Variants in KIAA0825 observed in about 807,000 individuals in gnomAD.
KIAA0825 encodes the protein uncharacterized protein KIAA0825.
A neutral mutation model predicts 147.6 loss-of-function variants in KIAA0825; 119 were observed. The observed-to-expected ratio is 0.81, with a 90% CI of 0.69 to 0.94. KIAA0825 has a LOEUF of 0.94. Ranked by LOEUF, KIAA0825 falls within the 40% of genes least tolerant of loss-of-function variation. The pLI, the probability that KIAA0825 is intolerant of heterozygous loss-of-function variation, is 0.00. For missense variants in KIAA0825, 1,381 were observed against 1,472.7 expected, an observed-to-expected ratio of 0.94 and a Z score of 1.02; for synonymous variants, 470 against 518.1, an observed-to-expected ratio of 0.91 and a Z score of 1.26.
rs574100427 is a variant in KIAA0825 at position 94,593,405 on chromosome 5, T to C, written c.-152-10822A>G. On this transcript the variant is annotated intron_variant, in intron 1 of 20. Transcript: ENST00000682413. Reference sequence around the variant, plus strand: ...TCACGACATTTTCAAGAACAACTGGTGAACAAAACGGAACTTGTTTTTGAC... The same window carrying C: ...TCACGACATTTTCAAGAACAACTGGCGAACAAAACGGAACTTGTTTTTGAC... The C allele has an allele frequency of 8.3e-4, 769 of 921,104 alleles. 4 individuals carry two copies. Among genetic ancestry groups the C allele is most frequent in the Non-Finnish European group, 9.6e-4 (549 of 573,266 alleles). The allele number at this position is 921,104 out of a possible 1,614,324, so 57.1% of individuals were successfully genotyped here.
intron 20 of KIAA0825, among the ~76,000 whole-genome samples, chr5:94,350,852 C>T (rs1783582080): frequency 6.6e-6 from 1 of 151,722 alleles, no homozygotes; most frequent in Non-Finnish European, 1.5e-5. Flanking sequence ...AAAGCATTCC[C>T]TCTGAGAACT....
chr5:94,452,232 T>C (rs1206115987), intron 13 of KIAA0825, among the ~76,000 whole-genome samples: 1 of 152,206 alleles, frequency 6.6e-6, no homozygotes, highest in African/African-American at 2.4e-5. Flanking sequence ...AACTTCTGTA[T>C]ATGAGGTTTT....
chr5:94,433,669 G>T (rs1463818889), intron 14 of KIAA0825, among the ~76,000 whole-genome samples: 1 of 152,166 alleles, frequency 6.6e-6, no homozygotes, highest in Non-Finnish European at 1.5e-5. Flanking sequence ...CTCTAAAAGG[G>T]AAATGACAAT....
At chr5:94,539,375 A>T (rs1772806196) in intron 2 of KIAA0825, among the ~76,000 whole-genome samples, 1 of 152,044 alleles carries the variant, frequency 6.6e-6, no homozygotes, top group Non-Finnish European at 1.5e-5. Context: ...CTCTATGGAC[A>T]CCCTGAATTC....
intron 2 of KIAA0825, among the ~76,000 whole-genome samples, chr5:94,550,698 C>T (rs1045980288): frequency 2.0e-5 from 3 of 152,018 alleles, no homozygotes; most frequent in African/African-American, 7.3e-5. Flanking sequence ...AAAAATTAGC[C>T]AGGCATGGTG....
At chr5:94,190,608 T>C (rs1770595233) in intron 20 of KIAA0825, among the ~76,000 whole-genome samples, 1 of 151,234 alleles carries the variant, frequency 6.6e-6, no homozygotes, top group African/African-American at 2.4e-5. Context: ...CTTTCATAGG[T>C]GCCCCTAATC....
chr5:94,433,127 G>A lies in KIAA0825; in HGVS notation c.2497+6855C>T, dbSNP rs976618015. 4.6e-5 allele frequency among the ~76,000 whole-genome samples: 7 copies of A among 152,052 alleles called. 1 individual carries two copies. The highest frequency in any genetic ancestry group is 4.1e-4 in the South Asian group (2 of 4,820). ...CGGTTCACTGCAAGCTCCACCTTCC[G>A]GGTTGACATCCTGCCTCAGCCTCCC... On this transcript the variant is annotated intron_variant, in intron 14 of 20. Coordinates refer to ENST00000682413, the MANE Select transcript of KIAA0825 (RefSeq NM_001145678.3).
At position 94,501,018 on chromosome 5, in the gene KIAA0825, A is replaced by T. The variant is rs1309488370; in HGVS notation, c.971-16088T>A. Among the ~76,000 whole-genome samples, 6 of 152,048 alleles carry T rather than the reference A, an allele frequency of 3.9e-5. No homozygotes were observed. In the East Asian group the frequency reaches 1.2e-3, roughly 29 times the overall value. ...TGATCCACCCACCTCAGCCTCCGAA[A>T]GTGCTGGGATTACAGGCGTGAGCCA... On this transcript the variant is annotated intron_variant, in intron 5 of 20. Transcript: ENST00000682413.
chr5:94,374,008 GA>G (rs1747146342), intron 20 of KIAA0825, among the ~76,000 whole-genome samples: 1 of 152,028 alleles, frequency 6.6e-6, no homozygotes, highest in African/African-American at 2.4e-5. Context: ...ACTCCTGGTG[GA>G]AAATATGCTA....
intron 12 of KIAA0825, among the ~76,000 whole-genome samples, chr5:94,456,251 C>G (rs912280251): frequency 1.3e-5 from 2 of 152,146 alleles, no homozygotes; most frequent in Non-Finnish European, 2.9e-5. Flanking sequence ...GTCTAGTTAT[C>G]TGAGGGCCAC....
intron 1 of KIAA0825, among the ~76,000 whole-genome samples, chr5:94,587,532 C>T (rs1028655414): frequency 4.0e-5 from 6 of 151,806 alleles, no homozygotes; most frequent in South Asian, 2.1e-4. Flanking sequence ...CACTGCTCAA[C>T]GAAATAAAAG....
intron 2 of KIAA0825, among the ~76,000 whole-genome samples, chr5:94,546,816 A>AAC (rs1774488285): frequency 6.7e-6 from 1 of 149,340 alleles, no homozygotes; most frequent in African/African-American, 2.4e-5. Flanking sequence ...AAAAAAAAAA[A>AAC]TCCGCAAGCA....
chr5:94,154,268 A>G, intron 20 of KIAA0825, 144 bp from the exon 21 acceptor site: 1 of 639,222 alleles, frequency 1.6e-6, no homozygotes, highest in East Asian at 2.7e-5. Flanking sequence ...CCTCTTGGGT[A>G]ATACAATTCA....
chr5:94,561,083 C>T (rs145818371), intron 2 of KIAA0825, among the ~76,000 whole-genome samples: 1 of 152,192 alleles, frequency 6.6e-6, no homozygotes, highest in Non-Finnish European at 1.5e-5. Context: ...GCTCCACTCC[C>T]TCTAACTCTA....
At chr5:94,195,440 C>T (rs1771041700) in intron 20 of KIAA0825, among the ~76,000 whole-genome samples, 1 of 152,186 alleles carries the variant, frequency 6.6e-6, no homozygotes, top group Non-Finnish European at 1.5e-5. Flanking sequence ...GAAGGTACCA[C>T]ACTTGGCAGA....
intron 20 of KIAA0825, among the ~76,000 whole-genome samples, chr5:94,347,025 G>A (rs1783079747): frequency 6.6e-6 from 1 of 152,134 alleles, no homozygotes; most frequent in Non-Finnish European, 1.5e-5. Flanking sequence ...GGTGAGGCCT[G>A]TGATTGCCAG....
intron 15 of KIAA0825, among the ~76,000 whole-genome samples, chr5:94,408,515 TTGTGTGTGTGTG>T (rs3050853): frequency 1.0e-4 from 15 of 147,300 alleles, no homozygotes; most frequent in African/African-American, 3.5e-4. Context: ...CTCAGCTAAT[TTGTGTGTGTGTG>T]TGTGTGTGTG....
In KIAA0825 at chr5:94,396,158, T is replaced by G. The variant is rs1295755272; in HGVS notation, c.3239A>C (p.Gln1080Pro). 3.2e-5 allele frequency: 49 copies of G among 1,539,520 alleles called. No homozygotes were observed. Among genetic ancestry groups the G allele is most frequent in the Non-Finnish European group, 4.0e-5 (46 of 1,143,094 alleles). ...IQKVIQSIEQQKPNWIERQLL... is the reference protein window; with the variant it reads ...IQKVIQSIEQPKPNWIERQLL... Reference sequence around the variant, plus strand: ...TTGACGTTCAATCCAGTTGGGCTTCTGCTGCTCAATGCTCTGTATGACCTT... The same window carrying G: ...TTGACGTTCAATCCAGTTGGGCTTCGGCTGCTCAATGCTCTGTATGACCTT... The change falls in exon 17 of 21, where the codon CAG becomes CCG. Residue 1080 changes from glutamine to proline, a missense_variant. Transcript: ENST00000682413.
chr5:94,551,351 A>C (rs927518684), intron 2 of KIAA0825, among the ~76,000 whole-genome samples: 6 of 152,132 alleles, frequency 3.9e-5, no homozygotes, highest in African/African-American at 1.4e-4. Flanking sequence ...GAACATCCAG[A>C]TCCAGGAAGC....
Sources: gnomAD v4.1 joint callset for allele counts (sites outside exome capture counted in the v4.1 genomes callset) on GRCh38, gnomAD v4.1.1 for gene constraint, MANE v1.5 for transcripts, NCBI Gene and HGNC (gene_info 2026-07-23, HGNC 2026-07-21) for gene names.